Variants in PHKB observed in about 807,000 individuals in gnomAD.
PHKB encodes the protein phosphorylase kinase regulatory subunit beta.
In PHKB, 122 loss-of-function variants were observed where a neutral mutation model predicts 152.1. That is an observed-to-expected ratio of 0.80 (90% CI 0.69 to 0.93). The LOEUF (loss-of-function observed/expected upper bound fraction) is 0.93. Ranked by LOEUF, PHKB falls within the 40% of genes least tolerant of loss-of-function variation. The pLI is 0.00. For synonymous variants in PHKB, 436 were observed against 464.9 expected, an observed-to-expected ratio of 0.94 and a Z score of 0.80; for missense variants, 1,304 against 1,328.4, an observed-to-expected ratio of 0.98 and a Z score of 0.29.
chr16:47,597,047 A>G (rs1158679738), intron 13 of PHKB, among the ~76,000 whole-genome samples: 6 of 152,184 alleles, frequency 3.9e-5, no homozygotes, highest in Non-Finnish European at 5.9e-5. Flanking sequence ...GAACTGAATC[A>G]TAGCACTCTT....
intron 14 of PHKB, among the ~76,000 whole-genome samples, chr16:47,638,249 C>T (rs1272332759): frequency 6.6e-6 from 1 of 152,094 alleles, no homozygotes; most frequent in Non-Finnish European, 1.5e-5. Context: ...ATCCAAATGT[C>T]TTAGAATGGT....
chr16:47,526,791 A>G (rs1970776352), intron 6 of PHKB, among the ~76,000 whole-genome samples: 1 of 152,216 alleles, frequency 6.6e-6, no homozygotes, highest in Non-Finnish European at 1.5e-5. Flanking sequence ...ATGTTGTATT[A>G]GGCCGTTCTT....
intron 7 of PHKB, among the ~76,000 whole-genome samples, chr16:47,568,355 A>G (rs1202494783): frequency 6.6e-6 from 1 of 152,074 alleles, no homozygotes; most frequent in African/African-American, 2.4e-5. Context: ...GATCTTTTGT[A>G]TTTCTGCAGT....
intron 9 of PHKB, 61 bp downstream of exon 9, chr16:47,587,824 A>G (rs1262122375): frequency 5.7e-6 from 7 of 1,230,934 alleles, no homozygotes; most frequent in East Asian, 2.4e-5. Flanking sequence ...CTATGTAGTT[A>G]TATCTTAATT....
intron 25 of PHKB, chr16:47,666,001 C>A (rs923737715): frequency 3.7e-6 from 6 of 1,613,706 alleles, no homozygotes; most frequent in African/African-American, 1.3e-5. Context: ...CTGGCCCCAT[C>A]CATTACTAAT....
chr16:47,661,402 A>G (rs764503138), intron 22 of PHKB, among the ~76,000 whole-genome samples: 17 of 152,168 alleles, frequency 1.1e-4, no homozygotes, highest in Non-Finnish European at 1.8e-4. Context: ...GGCAAAATCA[A>G]TGTTAATGCT....
At position 47,559,497 on chromosome 16, in the gene PHKB, A is replaced by T. The variant is rs1435734429; in HGVS notation, c.710+11949A>T. Among the ~76,000 whole-genome samples, 6 of 152,182 alleles carry T rather than the reference A, an allele frequency of 3.9e-5. No individual in the cohort carries two copies. In the East Asian group the frequency reaches 9.6e-4, roughly 24 times the overall value. ...GGGTTAAGCTAGGCAGTTTTTGCTC[A>T]GGGTCTCTAATGTGTTTGTCATCAT... is the stretch of plus-strand genomic sequence containing the variant. On this transcript the variant is annotated intron_variant, in intron 7 of 30. Coordinates refer to ENST00000323584, the MANE Select transcript of PHKB (RefSeq NM_000293.3).
In PHKB at chr16:47,663,724, C is replaced by T. The variant is rs149244943; in HGVS notation, c.2326C>T (p.Gln776Ter). 1.3e-4 allele frequency: 210 copies of T among 1,606,342 alleles called. No individual in the cohort carries two copies. Among genetic ancestry groups the T allele is most frequent in the Non-Finnish European group, 1.6e-4 (192 of 1,173,168 alleles). Residue 776 changes from glutamine (Q) to a stop codon, truncating the protein, a stop_gained, in exon 24 of 31, where the codon CAA (glutamine) becomes TAA (stop). Transcript: ENST00000323584. LOFTEE classifies it high-confidence loss of function. The stretch of plus-strand genomic sequence containing the variant: ...GAGAGTCTATAGAAGAGCTGGCAGC[C>T]AAAAACTTTGGTTTGTATTAGTGTC... ...IERVYRRAGS[Q>*]KLWLAVRYGA...
intron 6 of PHKB, among the ~76,000 whole-genome samples, chr16:47,532,898 G>A (rs1429958001): frequency 2.6e-5 from 4 of 152,270 alleles, no homozygotes; most frequent in Non-Finnish European, 5.9e-5. Flanking sequence ...GAGGTATGCA[G>A]TCAAGTGGAG....
intron 1 of PHKB, among the ~76,000 whole-genome samples, chr16:47,467,751 G>C (rs1969693631): frequency 1.3e-5 from 2 of 152,156 alleles, no homozygotes; most frequent in African/African-American, 4.8e-5. Flanking sequence ...GTTTCATGAA[G>C]AGCACAACAG....
At chr16:47,549,516 C>G (rs968826806) in intron 7 of PHKB, among the ~76,000 whole-genome samples, 5 of 151,986 alleles carry the variant, frequency 3.3e-5, no homozygotes, top group African/African-American at 9.7e-5. Flanking sequence ...ATGGTGACAA[C>G]CTGTCTCTAC....
intron 7 of PHKB, among the ~76,000 whole-genome samples, chr16:47,575,937 G>A (rs187737893): frequency 7.2e-5 from 11 of 152,232 alleles, no homozygotes; most frequent in Non-Finnish European, 1.5e-4. Flanking sequence ...TCAGCCGGGT[G>A]TGGTGGTGCA....
chr16:47,580,877 T>G (rs911567567), intron 8 of PHKB, among the ~76,000 whole-genome samples: 43 of 152,176 alleles, frequency 2.8e-4, no homozygotes, highest in African/African-American at 8.7e-4. Context: ...AAAAAAACCC[T>G]GAAGGTCGTC....
intron 7 of PHKB, among the ~76,000 whole-genome samples, chr16:47,579,464 T>A (rs1971806009): frequency 6.6e-6 from 1 of 152,130 alleles, no homozygotes. Flanking sequence ...GGACCATAGT[T>A]TGATAATCTG....
At chr16:47,566,607 A>G (rs773961772) in intron 7 of PHKB, 55 of 1,358,744 alleles carry the variant, frequency 4.0e-5, no homozygotes, top group Non-Finnish European at 4.9e-5. Flanking sequence ...TAGAAAAGCA[A>G]TGTAGGGTGA....
chr16:47,696,539 G>T (rs769534681), intron 29 of PHKB, 51 bp downstream of exon 29: 2 of 982,080 alleles, frequency 2.0e-6, no homozygotes, highest in South Asian at 1.3e-5. Flanking sequence ...TCTCTGCTCC[G>T]TGAAAACTAG....
chr16:47,647,163 G>A (rs181837951), intron 16 of PHKB, among the ~76,000 whole-genome samples: 171 of 151,178 alleles, frequency 1.1e-3, no homozygotes, highest in African/African-American at 3.0e-3. Context: ...CTCTCTTGTC[G>A]CCCAGACTGG....
intron 25 of PHKB, chr16:47,665,966 TC>T: frequency 6.2e-7 from 1 of 1,613,996 alleles, no homozygotes; most frequent in Non-Finnish European, 8.5e-7. Flanking sequence ...GTGCAGCAAG[TC>T]TTTTAAGTAA....
At chr16:47,690,053 T>C (rs908734365) in intron 27 of PHKB, among the ~76,000 whole-genome samples, 2 of 152,310 alleles carry the variant, frequency 1.3e-5, no homozygotes, top group East Asian at 3.9e-4. Context: ...AAAGCCTCTG[T>C]AATTAAAACA....
Sources: allele counts gnomAD v4.1 joint callset (sites outside exome capture counted in the v4.1 genomes callset), GRCh38; gene constraint gnomAD v4.1.1; transcripts MANE v1.5; gene names NCBI Gene and HGNC (gene_info 2026-07-23, HGNC 2026-07-21).